Variants in CUTA observed in about 807,000 individuals in gnomAD.
CUTA encodes the protein protein CutA.
In CUTA, 21 loss-of-function variants were observed where a neutral mutation model predicts 20.7. That is an observed-to-expected ratio of 1.01 (90% CI 0.72 to 1.46). CUTA has a LOEUF of 1.46. Ranked by LOEUF, CUTA falls within the 40% of genes most tolerant of loss-of-function variation. CUTA has a pLI of 0.00. For synonymous variants in CUTA, 99 were observed against 97.9 expected (o/e 1.01, Z -0.07); for missense variants, 231 against 226.8 (o/e 1.02, Z -0.12).
chr6:33,417,032 A>G (rs1776551094), intron 4 of CUTA, 63 bp from the exon 5 acceptor site: 2 of 1,612,170 alleles, frequency 1.2e-6, no homozygotes, highest in Admixed American at 3.3e-5. Context: ...TTCTCAGAAG[A>G]GGGGTAAGGG....
rs1273590193 is a variant in CUTA at position 33,417,680 on chromosome 6, A to T, written c.58T>A (p.Ser20Thr). The change falls in exon 2 of 6, where the codon TCT becomes ACT. Residue 20 changes from serine to threonine, a missense_variant. Coordinates refer to ENST00000488034, the MANE Select transcript of CUTA (RefSeq NM_001014840.2). ...AGCAGCGCCGGCATCCAAACAAAAG[A>T]CAGGAGCAGAGAGGCCTGAGAGCAG... ...LLGGVASLLL[S>T]FVWMPALLPV... 1.2e-6 allele frequency: 2 copies of T among 1,609,378 alleles called. No homozygotes were observed. Among genetic ancestry groups the T allele is most frequent in the South Asian group, 2.2e-5 (2 of 90,920 alleles).
At position 33,417,692 on chromosome 6, in the gene CUTA, A is replaced by G. The variant is rs1007878051; in HGVS notation, c.46T>C (p.Ser16Pro). Residue 16 changes from serine (S) to proline (P), a missense_variant, in exon 2 of 6, where the codon TCT (serine) becomes CCT (proline). Transcript: ENST00000488034. ...ATCCAAACAAAAGACAGGAGCAGAG[A>G]GGCCTGAGAGCAGGAGGCGAATTCG... is the stretch of plus-strand genomic sequence containing the variant. ...APAVLLGGVA[S>P]LLLSFVWMPA... The G allele has an allele frequency of 9.4e-6, 15 of 1,603,604 alleles. No homozygotes were observed. The highest frequency in any genetic ancestry group is 1.3e-5 in the Non-Finnish European group (15 of 1,175,546).
Position 33,416,698 on chromosome 6 carries a change from C to T in CUTA, c.492G>A (p.Val164=). 2 of 1,613,824 alleles carry T rather than the reference C, an allele frequency of 1.2e-6. No individual in the cohort carries two copies. Among genetic ancestry groups the T allele is most frequent in the East Asian group, 4.5e-5 (2 of 44,874 alleles). Residue 164 remains valine (V), a synonymous_variant, in exon 6 of 6, where the codon GTG becomes GTA. Transcript: ENST00000488034. Reference sequence around the variant, plus strand: ...CAGAAACTGACTCTGTGACCTGGCGCACCCACTGCAGGTACGGAAAGTTCC... The same window carrying T: ...CAGAAACTGACTCTGTGACCTGGCGTACCCACTGCAGGTACGGAAAGTTCC... ...EQGNFPYLQW[V]RQVTESVSDS...
Position 33,417,545 on chromosome 6 carries a change from G to A in CUTA, c.193C>T (p.Pro65Ser). Reference protein sequence around the residue: ...PASDSGSGYVPGSVSAAFVTC... With the variant: ...PASDSGSGYVSGSVSAAFVTC... Reference sequence around the variant, plus strand: ...ACAAAGGCTGCAGAGACCGAGCCCGGAACGTAGCCAGAGCCGGAATCCGAG... The same window carrying A: ...ACAAAGGCTGCAGAGACCGAGCCCGAAACGTAGCCAGAGCCGGAATCCGAG... The change falls in exon 2 of 6, where the codon CCG (proline) becomes TCG (serine). Residue 65 changes from proline (P) to serine (S), a missense_variant. Pro to Ser is a moderately conservative substitution (Grantham distance 74). Transcript: ENST00000488034. 2 of 1,614,182 alleles carry A rather than the reference G, an allele frequency of 1.2e-6. No homozygotes were observed. Among genetic ancestry groups the A allele is most frequent in the African/African-American group, 2.7e-5 (2 of 75,044 alleles).
Position 33,417,130 on chromosome 6 carries a change from T to G in CUTA, c.330A>C (p.Lys110Asn). Residue 110 changes from lysine (K) to asparagine (N), a missense_variant, in exon 4 of 6, where the codon AAA becomes AAC. Transcript: ENST00000488034. Reference protein sequence around the residue: ...IPQITSIYEWKGKIEEDSEVL... With the variant: ...IPQITSIYEWNGKIEEDSEVL... ...CCTCACTGTCTTCCTCGATCTTCCC[T>G]TTCCACTCATAGCTGAAAGGTCAGA... The G allele has an allele frequency of 1.2e-6, 2 of 1,611,554 alleles. No individual in the cohort carries two copies. The highest frequency in any genetic ancestry group is 1.7e-6 in the Non-Finnish European group (2 of 1,178,164).
In CUTA at chr6:33,416,640, A is replaced by G; in HGVS notation, c.*10T>C. 2 of 1,448,398 alleles carry G rather than the reference A, an allele frequency of 1.4e-6. No homozygotes were observed. Among genetic ancestry groups the G allele is most frequent in the Non-Finnish European group, 1.9e-6 (2 of 1,028,976 alleles). The allele number at this position is 1,448,398 out of a possible 1,614,324, so 89.7% of individuals were successfully genotyped here. A position where few individuals can be genotyped will look rare whatever the true frequency, so the allele number is the denominator to read the frequency against. On this transcript the variant is annotated 3_prime_UTR_variant, in exon 6 of 6. Transcript: ENST00000488034. ...GCGGGGATCTTCATGATGAGCAGGA[A>G]CAGGGCTCATCATGGCAGGACTGTG... is the stretch of plus-strand genomic sequence containing the variant.
intron 1 of CUTA, 79 bp downstream of exon 1, chr6:33,417,880 C>G (rs756346531): frequency 1.3e-6 from 2 of 1,566,390 alleles, no homozygotes; most frequent in South Asian, 1.2e-5. Context: ...CCTCAGGGGG[C>G]CAACCTCTGG....
rs780401796 is a variant in CUTA, at chr6:33,417,972, A to T, written c.29T>A (p.Leu10Gln). 2 of 1,606,272 alleles carry T rather than the reference A, an allele frequency of 1.2e-6. No individual in the cohort carries two copies. Among genetic ancestry groups the T allele is most frequent in the Non-Finnish European group, 1.7e-6 (2 of 1,176,580 alleles). MSGGRAPAVLLGGVASLLLS... is the reference protein window; with the variant it reads MSGGRAPAVQLGGVASLLLS... ...CCGGTCACTCACCACTCCGCCGAGC[A>T]GGACCGCGGGAGCCCGCCCCCCACT... Residue 10 changes from leucine to glutamine, a missense_variant, in exon 1 of 6, where the codon CTG becomes CAG. Physicochemically the swap from Leu to Gln is moderately radical, Grantham distance 113. Coordinates refer to ENST00000488034, the MANE Select transcript of CUTA (RefSeq NM_001014840.2).
Position 33,416,533 on chromosome 6 carries a change from CAG to C in CUTA, c.*115_*116del, listed in dbSNP as rs1375228822. 4.2e-6 allele frequency: 3 copies of C among 719,218 alleles called. No homozygotes were observed. In the African/African-American group the frequency reaches 5.3e-5, roughly 13 times the overall value. The allele number at this position is 719,218 out of a possible 1,614,324, so 44.6% of individuals were successfully genotyped here. A position where few individuals can be genotyped will look rare whatever the true frequency, so the allele number is the denominator to read the frequency against. ...ACAAATTTGCATACATGACAAAAAA[CAG>C]GCAAAAGGCAGAGAGACCCAAAGAC... On this transcript the variant is annotated 3_prime_UTR_variant, in exon 6 of 6. Coordinates refer to ENST00000488034, the MANE Select transcript of CUTA (RefSeq NM_001014840.2).
At position 33,417,811 on chromosome 6, in the gene CUTA, A is replaced by C. The variant is rs534163918; in HGVS notation, c.43-116T>G. ...CCTCCCTCTGATGCACCCCCGAAGA[A>C]TGCCCCTGAAGGTGAGAGAGAAACT... On this transcript the variant is annotated intron_variant, in intron 1 of 5. Coordinates refer to ENST00000488034, the MANE Select transcript of CUTA (RefSeq NM_001014840.2). 5.8e-6 allele frequency: 9 copies of C among 1,543,982 alleles called. No homozygotes were observed. In the South Asian group the frequency reaches 8.2e-5, roughly 14 times the overall value.
chr6:33,416,818 T>C, intron 5 of CUTA, 42 bp from the exon 6 acceptor site: 1 of 1,609,534 alleles, frequency 6.2e-7, no homozygotes, highest in South Asian at 1.1e-5. Flanking sequence ...ACTCAAAGAT[T>C]TACCCAAAAG....
At position 33,416,734 on chromosome 6, in the gene CUTA, A is replaced by G; in HGVS notation, c.456T>C (p.Pro152=). The change falls in exon 6 of 6, where the codon CCT becomes CCC. Residue 152 remains proline (P), a synonymous_variant. Coordinates refer to ENST00000488034, the MANE Select transcript of CUTA (RefSeq NM_001014840.2). ...PYEVAEVIAL[P]VEQGNFPYLQ... The stretch of plus-strand genomic sequence containing the variant: ...GGTACGGAAAGTTCCCCTGTTCCAC[A>G]GGCAATGCAATTACCTCGGCCACTT... 6.2e-7 allele frequency: 1 copy of G among 1,614,164 alleles called. No individual in the cohort carries two copies. The highest frequency in any genetic ancestry group is 8.5e-7 in the Non-Finnish European group (1 of 1,180,014).
At chr6:33,417,354 A>G in intron 2 of CUTA, 44 bp from the exon 3 acceptor site, 1 of 1,613,892 alleles carries the variant, frequency 6.2e-7, no homozygotes, top group Non-Finnish European at 8.5e-7. Context: ...CCATAACCCC[A>G]GTTTTTGTAC....
chr6:33,417,574 G>A lies in CUTA; in HGVS notation c.164C>T (p.Pro55Leu), dbSNP rs1375919825. 10 of 1,614,030 alleles carry A rather than the reference G, an allele frequency of 6.2e-6. No homozygotes were observed. The highest frequency in any genetic ancestry group is 8.5e-6 in the Non-Finnish European group (10 of 1,180,046). The change falls in exon 2 of 6, where the codon CCG becomes CTG. Residue 55 changes from proline to leucine, a missense_variant. Transcript: ENST00000488034. ...ASGSPPTQPS[P>L]ASDSGSGYVP... ...GTAGCCAGAGCCGGAATCCGAGGCC[G>A]GCGAGGGCTGGGTCGGAGGGCTTCC...
At chr6:33,417,181 A>C in intron 3 of CUTA, 39 bp from the exon 4 acceptor site, 2 of 1,613,266 alleles carry the variant, frequency 1.2e-6, no homozygotes, top group Non-Finnish European at 1.7e-6. Flanking sequence ...GGAGCAAAGA[A>C]TTTCCCCCAG....
Position 33,417,672 on chromosome 6 carries a change from A to G in CUTA, c.66T>C (p.Val22=). ...GGVASLLLSF[V]WMPALLPVAS... is the part of the protein sequence containing the mutation. ...CCACAGGCAGCAGCGCCGGCATCCA[A>G]ACAAAAGACAGGAGCAGAGAGGCCT... is the stretch of plus-strand genomic sequence containing the variant. Residue 22 remains valine, a synonymous_variant, in exon 2 of 6, where the codon GTT becomes GTC. Coordinates refer to ENST00000488034, the MANE Select transcript of CUTA (RefSeq NM_001014840.2). 6.2e-7 allele frequency: 1 copy of G among 1,610,864 alleles called. No homozygotes were observed. The highest frequency in any genetic ancestry group is 8.5e-7 in the Non-Finnish European group (1 of 1,178,578).
rs888638429 is a variant in CUTA at position 33,416,704 on chromosome 6, C to G, written c.486G>C (p.Gln162His). 6.2e-7 allele frequency: 1 copy of G among 1,613,992 alleles called. No homozygotes were observed. The highest frequency in any genetic ancestry group is 1.3e-5 in the African/African-American group (1 of 74,900). The change falls in exon 6 of 6, where the codon CAG (glutamine) becomes CAC (histidine). Residue 162 changes from glutamine to histidine, a missense_variant. By Grantham distance (24) the Gln-to-His change is conservative (BLOSUM62 0). Transcript: ENST00000488034. The part of the protein sequence containing the change: ...PVEQGNFPYL[Q>H]WVRQVTESVS... ...CTGACTCTGTGACCTGGCGCACCCA[C>G]TGCAGGTACGGAAAGTTCCCCTGTT...
In CUTA at chr6:33,416,614, C is replaced by T; in HGVS notation, c.*36G>A. 4 of 1,232,224 alleles carry T rather than the reference C, an allele frequency of 3.2e-6. No homozygotes were observed. The highest frequency in any genetic ancestry group is 1.2e-5 in the South Asian group (1 of 83,516). 76.3% of individuals were successfully genotyped at this position (1,232,224 alleles called of 1,614,324 possible). On this transcript the variant is annotated 3_prime_UTR_variant, in exon 6 of 6. Transcript: ENST00000488034. ...TGGAAGTCAGAAGGCGTTGAAGTAT[C>T]GCGGGGATCTTCATGATGAGCAGGA...
Position 33,416,577 on chromosome 6 carries a change from C to T in CUTA, c.*73G>A. The stretch of plus-strand genomic sequence containing the variant: ...CCCAAAGACGGGATTTATTGGGGGC[C>T]CAGTCATCACCTGGAAGTCAGAAGG... On this transcript the variant is annotated 3_prime_UTR_variant, in exon 6 of 6. Coordinates refer to ENST00000488034, the MANE Select transcript of CUTA (RefSeq NM_001014840.2). 1.1e-6 allele frequency: 1 copy of T among 904,192 alleles called. No homozygotes were observed. Among genetic ancestry groups the T allele is most frequent in the Non-Finnish European group, 1.9e-6 (1 of 540,032 alleles). 56.0% of individuals were successfully genotyped at this position (904,192 alleles called of 1,614,324 possible).
Sources: allele counts gnomAD v4.1 joint callset, GRCh38; gene constraint gnomAD v4.1.1; transcripts MANE v1.5; gene names NCBI Gene and HGNC (gene_info 2026-07-23, HGNC 2026-07-21).